The following ALK variants were observed in gnomAD, a reference collection of about 807,000 sequenced individuals.
ALK encodes ALK tyrosine kinase receptor.
In ALK, 74 loss-of-function variants were observed where a neutral mutation model predicts 163.1. The ratio of observed to expected loss-of-function variants is 0.45; its 90% confidence interval spans 0.38 to 0.55. The LOEUF (loss-of-function observed/expected upper bound fraction) is 0.55. Ranked by LOEUF, ALK falls within the 20% of genes least tolerant of loss-of-function variation. ALK has a pLI of 0.00. For synonymous variants in ALK, 960 were observed against 843.2 expected (o/e 1.14, Z -2.40); for missense variants, 2,063 against 2,105.3 (o/e 0.98, Z 0.39).
intron 3 of ALK, among the ~76,000 whole-genome samples, chr2:29,575,227 A>C (rs1674490860): frequency 6.6e-6 from 1 of 152,200 alleles, no homozygotes; most frequent in Non-Finnish European, 1.5e-5. Flanking sequence ...AAGAGAGGAC[A>C]CCAGCAATGT....
chr2:29,426,614 A>C (rs1001325081), intron 4 of ALK, among the ~76,000 whole-genome samples: 2 of 152,216 alleles, frequency 1.3e-5, no homozygotes, highest in Non-Finnish European at 2.9e-5. Flanking sequence ...TCAGGCTGAA[A>C]GTAACACCAG....
chr2:29,852,494 T>C (rs1245037992), intron 1 of ALK, among the ~76,000 whole-genome samples: 4 of 152,196 alleles, frequency 2.6e-5, no homozygotes, highest in Non-Finnish European at 5.9e-5. Flanking sequence ...CTCCATGCCA[T>C]GAGACAGATC....
intron 3 of ALK, among the ~76,000 whole-genome samples, chr2:29,535,533 G>A (rs1415514900): frequency 1.3e-5 from 2 of 152,212 alleles, no homozygotes; most frequent in Non-Finnish European, 1.5e-5. Context: ...TCATATGGCT[G>A]TTGTGAAGAT....
At chr2:29,218,206 C>T (rs954746322) in intron 23 of ALK, among the ~76,000 whole-genome samples, 2 of 152,204 alleles carry the variant, frequency 1.3e-5, no homozygotes, top group African/African-American at 4.8e-5. Flanking sequence ...AGGACCATGA[C>T]TGGGGTGCTG....
chr2:29,252,570 C>A (rs1664845566), intron 11 of ALK, among the ~76,000 whole-genome samples: 1 of 152,120 alleles, frequency 6.6e-6, no homozygotes, highest in African/African-American at 2.4e-5. Flanking sequence ...AAAACTGGGC[C>A]AGTTGTCGTG....
At chr2:29,892,558 C>T (rs1443735061) in intron 1 of ALK, among the ~76,000 whole-genome samples, 3 of 152,212 alleles carry the variant, frequency 2.0e-5, no homozygotes, top group Admixed American at 2.0e-4. Context: ...TACAATCAAT[C>T]AGCCCATTGG....
At chr2:29,290,176 C>G (rs1665983841) in intron 9 of ALK, among the ~76,000 whole-genome samples, 1 of 152,200 alleles carries the variant, frequency 6.6e-6, no homozygotes, top group Non-Finnish European at 1.5e-5. Flanking sequence ...AGAGGGGCCT[C>G]TATGTTTAAT....
chr2:29,728,400 A>T (rs548735599), intron 1 of ALK, among the ~76,000 whole-genome samples: 127 of 152,374 alleles, frequency 8.3e-4, no homozygotes, highest in African/African-American at 3.0e-3. Context: ...TGCCCTTGGC[A>T]GTTGGGCTGC....
At chr2:29,753,230 TAAAGTC>T (rs1027257789) in intron 1 of ALK, among the ~76,000 whole-genome samples, 3 of 152,180 alleles carry the variant, frequency 2.0e-5, no homozygotes, top group African/African-American at 7.2e-5. Flanking sequence ...ATCGAGAAAG[TAAAGTC>T]ATTTTAGGAG....
intron 3 of ALK, 115 bp from the exon 4 acceptor site, chr2:29,532,231 A>G (rs527468153): frequency 2.1e-6 from 2 of 968,138 alleles, no homozygotes; most frequent in Non-Finnish European, 3.2e-6. Context: ...GGAGGCCATT[A>G]TCTCCTTCTC....
Position 29,209,846 on chromosome 2 carries a change from C to T in ALK, c.3776G>A (p.Cys1259Tyr), listed in dbSNP as rs1669417026. 2 of 1,614,148 alleles carry T rather than the reference C, an allele frequency of 1.2e-6. No homozygotes were observed. Among genetic ancestry groups the T allele is most frequent in the Non-Finnish European group, 1.7e-6 (2 of 1,180,028 alleles). Residue 1259 changes from cysteine (C) to tyrosine (Y), a missense_variant, in exon 25 of 29, where the codon TGT becomes TAT. Physicochemically the swap from Cys to Tyr is radical, Grantham distance 194. Coordinates refer to ENST00000389048, the MANE Select transcript of ALK (RefSeq NM_004304.5). The part of the protein sequence containing the change: ...DIAARNCLLT[C>Y]PGPGRVAKIG... The stretch of plus-strand genomic sequence containing the variant: ...CTTGGCCACTCTTCCAGGGCCTGGA[C>T]AGGTCAAGAGGCAGTTTCTGGCAGC...
chr2:29,307,105 C>T (rs1053985298), intron 8 of ALK, among the ~76,000 whole-genome samples: 1 of 152,226 alleles, frequency 6.6e-6, no homozygotes, highest in Non-Finnish European at 1.5e-5. Flanking sequence ...GTAATTATTG[C>T]AATTTTATGT....
intron 1 of ALK, among the ~76,000 whole-genome samples, chr2:29,756,350 A>G (rs1342470925): frequency 6.6e-6 from 1 of 152,168 alleles, no homozygotes; most frequent in Non-Finnish European, 1.5e-5. Context: ...TATCTGTGTC[A>G]TATCTGCCTT....
At chr2:29,802,297 AGGAGGGGAGGGAAGGGGATG>A (rs1664486046) in intron 1 of ALK, among the ~76,000 whole-genome samples, 4 of 125,398 alleles carry the variant, frequency 3.2e-5, no homozygotes, top group Admixed American at 8.3e-5. Flanking sequence ...AGCAGAGAAG[AGGAGGGGAGGGAAGGGGATG>A]GGAGGGGAGA....
intron 11 of ALK, among the ~76,000 whole-genome samples, chr2:29,257,289 C>T (rs1039077021): frequency 6.6e-6 from 1 of 152,018 alleles, no homozygotes; most frequent in Non-Finnish European, 1.5e-5. Flanking sequence ...ATACCCCATA[C>T]TGAAAACATA....
Position 29,646,686 on chromosome 2 carries a change from C to T in ALK, c.952+48164G>A, listed in dbSNP as rs569404075. ...TTCAGGGCCCTTGTGGTCATTACTC[C>T]CTCTGCCTGGTCGGCCCTCGCAAGA... is the stretch of plus-strand genomic sequence containing the variant. On this transcript the variant is annotated intron_variant, in intron 3 of 28. Transcript: ENST00000389048. Among the ~76,000 whole-genome samples the T allele has an allele frequency of 2.1e-4, 32 of 152,172 alleles. No individual in the cohort carries two copies. In the South Asian group the frequency reaches 5.8e-3, roughly 28 times the overall value.
At chr2:29,897,074 C>T (rs952196859) in intron 1 of ALK, among the ~76,000 whole-genome samples, 17 of 152,180 alleles carry the variant, frequency 1.1e-4, no homozygotes, top group African/African-American at 3.6e-4. Context: ...AATCCCAACA[C>T]TTTGGGAGGC....
At chr2:29,510,455 G>A (rs1672479571) in intron 4 of ALK, among the ~76,000 whole-genome samples, 1 of 152,138 alleles carries the variant, frequency 6.6e-6, no homozygotes, top group Non-Finnish European at 1.5e-5. Flanking sequence ...ATTATGAATA[G>A]GCTCAGTTCA....
intron 1 of ALK, among the ~76,000 whole-genome samples, chr2:29,889,699 GA>G (rs1572473025): frequency 1.1e-3 from 2 of 1,892 alleles, no homozygotes; most frequent in Non-Finnish European, 2.9e-3. Context: ...GATAGACAGA[GA>G]GAGAGAGAGA....
Sources: gnomAD v4.1 joint callset for allele counts (sites outside exome capture counted in the v4.1 genomes callset) on GRCh38, gnomAD v4.1.1 for gene constraint, MANE v1.5 for transcripts, NCBI Gene and HGNC (gene_info 2026-07-23, HGNC 2026-07-21) for gene names.